Variants in ARHGEF7 observed in about 807,000 individuals in gnomAD.
ARHGEF7 encodes PAK-interacting exchange factor beta.
A neutral mutation model predicts 109.8 loss-of-function variants in ARHGEF7; 33 were observed. The ratio of observed to expected loss-of-function variants is 0.30; its 90% CI spans 0.23 to 0.40. The LOEUF (loss-of-function observed/expected upper bound fraction) is 0.40. Ranked by LOEUF, ARHGEF7 falls within the 10% of genes least tolerant of loss-of-function variation. The pLI is 1.00. For synonymous variants in ARHGEF7, 458 were observed against 424.6 expected, an observed-to-expected ratio of 1.08 and a Z score of -0.97; for missense variants, 938 against 1,098.5, an observed-to-expected ratio of 0.85 and a Z score of 2.07.
At chr13:111,187,738 G>A (rs916888645) in intron 2 of ARHGEF7, among the ~76,000 whole-genome samples, 1 of 152,080 alleles carries the variant, frequency 6.6e-6, no homozygotes, top group African/African-American at 2.4e-5. Context: ...CACTAATATC[G>A]GGGTATCAGT....
intron 14 of ARHGEF7, 50 bp from the exon 15 acceptor site, chr13:111,280,488 G>A (rs1270232769): frequency 6.3e-7 from 1 of 1,577,488 alleles, no homozygotes; most frequent in East Asian, 2.3e-5. Context: ...GCACGCACGT[G>A]CTTTTTACCT....
chr13:111,234,520 C>T (rs72653534), intron 6 of ARHGEF7, among the ~76,000 whole-genome samples: 3,626 of 152,224 alleles, frequency 0.024, 74 homozygotes, highest in Middle Eastern at 0.11. Context: ...CACTTGGGTA[C>T]GGGAACACAA....
intron 2 of ARHGEF7, among the ~76,000 whole-genome samples, chr13:111,193,704 A>C (rs1039801448): frequency 6.6e-6 from 1 of 152,218 alleles, no homozygotes; most frequent in African/African-American, 2.4e-5. Flanking sequence ...GTGTCGTTAC[A>C]TCACTAACTA....
intron 2 of ARHGEF7, among the ~76,000 whole-genome samples, chr13:111,175,752 G>C (rs2153422141): frequency 6.6e-6 from 1 of 152,336 alleles, no homozygotes; most frequent in East Asian, 1.9e-4. Flanking sequence ...CTTTCTGAAT[G>C]TGTTAGTCTG....
chr13:111,279,196 T>C (rs2092652270), intron 13 of ARHGEF7, among the ~76,000 whole-genome samples: 1 of 152,220 alleles, frequency 6.6e-6, no homozygotes, highest in Admixed American at 6.5e-5. Flanking sequence ...TCACAGTGTG[T>C]AGCATTTTTT....
At chr13:111,245,086 C>T (rs533468128) in intron 8 of ARHGEF7, among the ~76,000 whole-genome samples, 1 of 152,142 alleles carries the variant, frequency 6.6e-6, no homozygotes, top group Non-Finnish European at 1.5e-5. Flanking sequence ...TGCGGTCAGG[C>T]GCTGTTGTGG....
intron 2 of ARHGEF7, among the ~76,000 whole-genome samples, chr13:111,172,635 T>A (rs557039523): frequency 2.0e-5 from 3 of 152,358 alleles, no homozygotes; most frequent in Non-Finnish European, 4.4e-5. Flanking sequence ...AAATTTGAAC[T>A]GTCATTTGCA....
chr13:111,291,472 G>A (rs576962393), intron 18 of ARHGEF7, among the ~76,000 whole-genome samples: 2 of 152,358 alleles, frequency 1.3e-5, no homozygotes, highest in East Asian at 3.9e-4. Context: ...CTGGGAGCAG[G>A]GGGTGGGTTC....
chr13:111,160,769 A>T (rs892180107), intron 2 of ARHGEF7, among the ~76,000 whole-genome samples: 1 of 152,038 alleles, frequency 6.6e-6, no homozygotes, highest in Non-Finnish European at 1.5e-5. Flanking sequence ...AGGAGATCTG[A>T]TGGTTTTATA....
chr13:111,207,395 T>C (rs371485505), intron 3 of ARHGEF7, among the ~76,000 whole-genome samples: 1 of 152,218 alleles, frequency 6.6e-6, no homozygotes, highest in Non-Finnish European at 1.5e-5. Context: ...CTTAAACTCC[T>C]GAGCTCAAGC....
intron 2 of ARHGEF7, among the ~76,000 whole-genome samples, chr13:111,175,376 T>A (rs1175476874): frequency 6.6e-6 from 1 of 151,882 alleles, no homozygotes; most frequent in Non-Finnish European, 1.5e-5. Context: ...TGGGAGAGGG[T>A]GAGAGAGCAG....
At chr13:111,128,697 A>G (rs894694323) in intron 1 of ARHGEF7, among the ~76,000 whole-genome samples, 7 of 152,216 alleles carry the variant, frequency 4.6e-5, no homozygotes, top group African/African-American at 1.7e-4. Context: ...AAAGATAAGA[A>G]AAACATGTAC....
chr13:111,236,370 G>T (rs1046612457), intron 6 of ARHGEF7, among the ~76,000 whole-genome samples: 14 of 152,080 alleles, frequency 9.2e-5, no homozygotes, highest in Non-Finnish European at 2.1e-4. Context: ...TTGTGTGCGT[G>T]TGTGTGTGGT....
At chr13:111,287,869 G>C (rs527454315) in intron 17 of ARHGEF7, among the ~76,000 whole-genome samples, 1 of 152,274 alleles carries the variant, frequency 6.6e-6, no homozygotes, top group Non-Finnish European at 1.5e-5. Context: ...ACGGGCTGCC[G>C]TGTGGGGAAC....
intron 8 of ARHGEF7, among the ~76,000 whole-genome samples, chr13:111,261,605 A>G (rs897777907): frequency 1.3e-5 from 2 of 152,230 alleles, no homozygotes; most frequent in Non-Finnish European, 1.5e-5. Context: ...GAACAAATCA[A>G]TCTAAAGATA....
At chr13:111,288,490 T>C in intron 18 of ARHGEF7, 47 bp downstream of exon 18, 1 of 1,476,988 alleles carries the variant, frequency 6.8e-7, no homozygotes, top group Non-Finnish European at 9.4e-7. Flanking sequence ...TTATTCTGTT[T>C]AGTTTCAAAT....
At chr13:111,262,907 G>C (rs539259904) in intron 8 of ARHGEF7, among the ~76,000 whole-genome samples, 1 of 152,352 alleles carries the variant, frequency 6.6e-6, no homozygotes, top group South Asian at 2.1e-4. Context: ...CAGCTGGCAT[G>C]ATGCGTGCTG....
chr13:111,234,483 C>T (rs1202440389), intron 6 of ARHGEF7, among the ~76,000 whole-genome samples: 2 of 152,184 alleles, frequency 1.3e-5, no homozygotes, highest in Non-Finnish European at 2.9e-5. Context: ...AACAGAATGG[C>T]GGGTGCCTCT....
intron 19 of ARHGEF7, among the ~76,000 whole-genome samples, chr13:111,299,374 G>A (rs1022571560): frequency 4.0e-5 from 5 of 123,622 alleles, no homozygotes; most frequent in South Asian, 2.6e-4. Context: ...ACGGAGTCTC[G>A]CTCTGTCGCC....
Sources: gnomAD v4.1 joint callset for allele counts (sites outside exome capture counted in the v4.1 genomes callset) on GRCh38, gnomAD v4.1.1 for gene constraint, MANE v1.5 for transcripts, NCBI Gene and HGNC (gene_info 2026-07-23, HGNC 2026-07-21) for gene names.